The following GMNC variants were observed in gnomAD, a reference collection of about 807,000 sequenced individuals.
GMNC encodes the protein geminin coiled-coil domain containing.
A neutral mutation model predicts 33.6 loss-of-function variants in GMNC; 16 were observed. That is an observed-to-expected ratio of 0.48 (90% confidence interval 0.32 to 0.72). GMNC has a LOEUF of 0.72. GMNC is among the 30% of genes least tolerant of loss of function. GMNC has a pLI of 0.03. For synonymous variants in GMNC, 156 were observed against 147.3 expected (o/e 1.06, Z -0.43); for missense variants, 393 against 388.9 (o/e 1.01, Z -0.09).
chr3:190,861,149 G>GT lies in GMNC; in HGVS notation c.4-292dup, dbSNP rs1737857100. On this transcript the variant is annotated intron_variant, in intron 1 of 4. Coordinates refer to ENST00000442080, the MANE Select transcript of GMNC (RefSeq NM_001146686.3). This position sits in a 1 kb window ranked among gnomAD's most constrained non-coding sequence, Gnocchi z 5.1. Reference sequence around the variant, plus strand: ...TTGTACATATCCAGGAGGATTGTCTGTTGCAACGACCAGCCCATCTAATAG... The same window carrying GT: ...TTGTACATATCCAGGAGGATTGTCTGTTTGCAACGACCAGCCCATCTAATAG... Among the ~76,000 whole-genome samples, 1 of 152,128 alleles carries GT rather than the reference G, an allele frequency of 6.6e-6. No homozygotes were observed.
rs991329305 is a variant in GMNC, at chr3:190,861,146, T to C, written c.4-288A>G. 1.1e-4 allele frequency among the ~76,000 whole-genome samples: 17 copies of C among 152,186 alleles called. No homozygotes were observed. The highest frequency in any genetic ancestry group is 3.9e-4 in the African/African-American group (16 of 41,438). On this transcript the variant is annotated intron_variant, in intron 1 of 4. Transcript: ENST00000442080. The surrounding 1 kb of genome is among the most constrained non-coding windows in gnomAD (Gnocchi z 5.1). ...AATTTGTACATATCCAGGAGGATTG[T>C]CTGTTGCAACGACCAGCCCATCTAA...
intron 3 of GMNC, 45 bp from the exon 4 acceptor site, chr3:190,857,944 T>A: frequency 2.0e-6 from 2 of 1,000,272 alleles, no homozygotes. Flanking sequence ...CTATATTGAC[T>A]TTGTAACCTT....
chr3:190,861,402 T>C lies in GMNC; in HGVS notation c.4-544A>G, dbSNP rs947308207. On this transcript the variant is annotated intron_variant, in intron 1 of 4. Coordinates refer to ENST00000442080, the MANE Select transcript of GMNC (RefSeq NM_001146686.3). The surrounding 1 kb of genome is among the most constrained non-coding windows in gnomAD (Gnocchi z 5.1). ...CCTTTTTCCTCCGTCTGACCTAACA[T>C]ACTGCTGGCTCATAGTCCATCAATC... 3.9e-5 allele frequency among the ~76,000 whole-genome samples: 6 copies of C among 152,220 alleles called. No homozygotes were observed. The highest frequency in any genetic ancestry group is 1.4e-4 in the African/African-American group (6 of 41,450).
At position 190,862,539 on chromosome 3, in the gene GMNC, C is replaced by T; in HGVS notation, c.3+74G>A. ...TCTTGCTCCGAAGGTGGAATAAATT[C>T]TAAATGCAAAGCTTATTAACTTTCA... On this transcript the variant is annotated intron_variant, in intron 1 of 4. Transcript: ENST00000442080. The surrounding 1 kb of genome is among the most constrained non-coding windows in gnomAD (Gnocchi z 4.5). The T allele has an allele frequency of 8.6e-7, 1 of 1,157,568 alleles. No individual in the cohort carries two copies. The highest frequency in any genetic ancestry group is 1.3e-6 in the Non-Finnish European group (1 of 786,992). The allele number at this position is 1,157,568 out of a possible 1,614,324, so 71.7% of individuals were successfully genotyped here. A position where few individuals can be genotyped will look rare whatever the true frequency, so the allele number is the denominator to read the frequency against.
At chr3:190,845,470 T>G in the GMNC span, among the ~76,000 whole-genome samples, 2 of 151,660 alleles carry the variant, frequency 1.3e-5, no homozygotes, top group Non-Finnish European at 2.9e-5. Flanking sequence ...AATGATAAGG[T>G]CTAGGGCTTT....
At chr3:190,859,926 G>T (rs974151941) in intron 2 of GMNC, 5 of 365,172 alleles carry the variant, frequency 1.4e-5, no homozygotes, top group South Asian at 2.2e-5. Flanking sequence ...ACTGTTGCTT[G>T]TAGTGGAAAG....
intron 2 of GMNC, among the ~76,000 whole-genome samples, chr3:190,860,176 A>G (rs886292542): frequency 1.3e-5 from 2 of 152,222 alleles, no homozygotes; most frequent in Admixed American, 6.5e-5. Context: ...ATTTTACATC[A>G]ATGCTATAGT....
intron 3 of GMNC, 122 bp downstream of exon 3, chr3:190,858,806 C>T: frequency 1.8e-6 from 1 of 562,234 alleles, no homozygotes; most frequent in Non-Finnish European, 3.1e-6. Context: ...TTGGACACAC[C>T]AGTCACTTTG....
rs1737681707 is a variant in GMNC at position 190,854,055 on chromosome 3, A to G, written c.*1240T>C. 6.6e-6 allele frequency: 1 copy of G among 152,166 alleles called. No homozygotes were observed. The highest frequency in any genetic ancestry group is 1.5e-5 in the Non-Finnish European group (1 of 68,022). The allele number at this position is 152,166 out of a possible 1,614,324, so 9.4% of individuals were successfully genotyped here. Reference sequence around the variant, plus strand: ...TGACTTATGTTTTTGAATTTTATTAATTGTACATAAAGTTTACCCTACCTA... The same window carrying G: ...TGACTTATGTTTTTGAATTTTATTAGTTGTACATAAAGTTTACCCTACCTA... On this transcript the variant is annotated 3_prime_UTR_variant, in exon 5 of 5. Transcript: ENST00000442080.
downstream of GMNC, among the ~76,000 whole-genome samples, chr3:190,849,244 T>A (rs11914983): frequency 0.013 from 1,968 of 152,312 alleles, 46 homozygotes; most frequent in African/African-American, 0.046. Flanking sequence ...TCTGGCAATA[T>A]GGTGCTCTAA....
chr3:190,843,683 C>A, the GMNC span, among the ~76,000 whole-genome samples: 1 of 152,094 alleles, frequency 6.6e-6, no homozygotes, highest in African/African-American at 2.4e-5. Context: ...ACACAAAATT[C>A]TTCTCATACG....
At chr3:190,844,170 A>G in the GMNC span, among the ~76,000 whole-genome samples, 1 of 152,172 alleles carries the variant, frequency 6.6e-6, no homozygotes, top group South Asian at 2.1e-4. Context: ...ATAGAAATTC[A>G]TCACAGATTC....
At chr3:190,859,276 A>G (rs1240560079) in intron 2 of GMNC, among the ~76,000 whole-genome samples, 4 of 152,186 alleles carry the variant, frequency 2.6e-5, no homozygotes, top group Admixed American at 2.6e-4. Flanking sequence ...ATTCTTGCCT[A>G]ATATATGTAT....
intron 1 of GMNC, 82 bp from the exon 2 acceptor site, chr3:190,860,940 A>G: frequency 3.1e-6 from 3 of 952,584 alleles, no homozygotes; most frequent in Non-Finnish European, 4.6e-6. Flanking sequence ...GGTGGGAGAA[A>G]TACCGAAATT....
At chr3:190,845,918 G>C in the GMNC span, among the ~76,000 whole-genome samples, 1 of 152,114 alleles carries the variant, frequency 6.6e-6, no homozygotes, top group South Asian at 2.1e-4. Flanking sequence ...TATATATATA[G>C]TTACATTACA....
downstream of GMNC, among the ~76,000 whole-genome samples, chr3:190,849,204 C>A (rs1465035674): frequency 3.3e-5 from 5 of 152,066 alleles, no homozygotes; most frequent in Non-Finnish European, 5.9e-5. Context: ...AGTCATGGTT[C>A]TGAAAAACAG....
chr3:190,857,769 T>C lies in GMNC; in HGVS notation c.384+14A>G. On this transcript the variant is annotated intron_variant, in intron 4 of 4. Transcript: ENST00000442080. ...GCTTTGTTCTTATAAAGTAGATACA[T>C]ACATCATACATACCTTGGCCTTTTC... The C allele has an allele frequency of 2.4e-6, 3 of 1,234,658 alleles. No homozygotes were observed. Among genetic ancestry groups the C allele is most frequent in the South Asian group, 1.3e-5 (1 of 77,768 alleles). 76.5% of individuals were successfully genotyped at this position (1,234,658 alleles called of 1,614,324 possible). A position where few individuals can be genotyped will look rare whatever the true frequency, so the allele number is the denominator to read the frequency against.
rs1414220110 is a variant in GMNC, at chr3:190,857,788, C to T, written c.379G>A (p.Ala127Thr). 1.3e-6 allele frequency: 2 copies of T among 1,488,616 alleles called. No individual in the cohort carries two copies. The highest frequency in any genetic ancestry group is 2.5e-5 in the East Asian group (1 of 40,626). 92.2% of individuals were successfully genotyped at this position (1,488,616 alleles called of 1,614,324 possible). A position where few individuals can be genotyped will look rare whatever the true frequency, so the allele number is the denominator to read the frequency against. The change falls in exon 4 of 5, where the codon GCC becomes ACC. Residue 127 changes from alanine to threonine, a missense_variant. Ala to Thr is a moderately conservative substitution (Grantham distance 58). Transcript: ENST00000442080. ...GATACATACATCATACATACCTTGGCCTTTTCTTCAAGACATTTAACCAAA... is the reference window on the plus strand; with the variant it reads ...GATACATACATCATACATACCTTGGTCTTTTCTTCAAGACATTTAACCAAA... ...SALVKCLEEK[A>T]KKLLSSDEFS... is the part of the protein sequence containing the mutation.
At position 190,854,423 on chromosome 3, in the gene GMNC, C is replaced by T. The variant is rs898970369; in HGVS notation, c.*872G>A. 15 of 151,864 alleles carry T rather than the reference C, an allele frequency of 9.9e-5. No individual in the cohort carries two copies. Among genetic ancestry groups the T allele is most frequent in the Non-Finnish European group, 1.8e-4 (12 of 67,986 alleles). The allele number at this position is 151,864 out of a possible 1,614,324, so 9.4% of individuals were successfully genotyped here. A position where few individuals can be genotyped will look rare whatever the true frequency, so the allele number is the denominator to read the frequency against. ...ACTGATCAATGAAAAAATGAATACGCGAATGAATGAATGAATGAGACAATG... is the reference window on the plus strand; with the variant it reads ...ACTGATCAATGAAAAAATGAATACGTGAATGAATGAATGAATGAGACAATG... On this transcript the variant is annotated 3_prime_UTR_variant, in exon 5 of 5. Coordinates refer to ENST00000442080, the MANE Select transcript of GMNC (RefSeq NM_001146686.3).
Sources: allele counts gnomAD v4.1 joint callset (sites outside exome capture counted in the v4.1 genomes callset), GRCh38; gene constraint gnomAD v4.1.1; non-coding constraint Gnocchi (gnomAD v3.1); transcripts MANE v1.5; gene names NCBI Gene and HGNC (gene_info 2026-07-23, HGNC 2026-07-21).